NDUFB8: variants seen among roughly 807,000 people sequenced by gnomAD.
NDUFB8 encodes NADH:ubiquinone oxidoreductase subunit B8.
NDUFB8 carries 17 observed loss-of-function variants against 26.0 expected under a neutral mutation model. That is an observed-to-expected ratio of 0.65 (90% CI 0.45 to 0.98). NDUFB8 has a LOEUF of 0.98. Among genes scored for constraint, NDUFB8 ranks in the 50% least tolerant of loss-of-function variants. The probability of loss-of-function intolerance (pLI) is 0.00; values close to 1 mark genes in which losing one functional copy is unlikely to be tolerated. For missense variants in NDUFB8, 238 were observed against 255.0 expected, an observed-to-expected ratio of 0.93 and a Z score of 0.45; for synonymous variants, 89 against 93.1, an observed-to-expected ratio of 0.96 and a Z score of 0.25.
At chr10:100,526,940 G>A in intron 3 of NDUFB8, 35 bp downstream of exon 3, 1 of 1,589,300 alleles carries the variant, frequency 6.3e-7, no homozygotes, top group Non-Finnish European at 8.6e-7. Context: ...AAGACAAAGA[G>A]AGAAGGAAGG....
intron 3 of NDUFB8, 165 bp from the exon 4 acceptor site, chr10:100,526,719 GCTGGCCTCTGT>G (rs1589746534): frequency 1.2e-6 from 1 of 863,998 alleles, no homozygotes; most frequent in East Asian, 2.6e-5. Flanking sequence ...AGGATTAGAT[GCTGGCCTCTGT>G]CTAGGTTCTG....
At chr10:100,525,145 TG>T (rs1852021842) in intron 4 of NDUFB8, among the ~76,000 whole-genome samples, 1 of 152,212 alleles carries the variant, frequency 6.6e-6, no homozygotes, top group Non-Finnish European at 1.5e-5. Context: ...AAGTGGGGCC[TG>T]GGAATCTGGG....
At chr10:100,525,717 C>CGTGT (rs71013460) in intron 4 of NDUFB8, among the ~76,000 whole-genome samples, 693 of 46,032 alleles carry the variant, frequency 0.015, 130 homozygotes, top group African/African-American at 0.054. Flanking sequence ...TAAGCACATA[C>CGTGT]GTGTGTGTGT....
In NDUFB8 at chr10:100,524,255, A is replaced by G. The variant is rs2133708555; in HGVS notation, c.469-326T>C. 1.1e-6 allele frequency: 1 copy of G among 921,246 alleles called. No individual in the cohort carries two copies. The highest frequency in any genetic ancestry group is 1.5e-5 in the South Asian group (1 of 67,840). The allele number at this position is 921,246 out of a possible 1,614,324, so 57.1% of individuals were successfully genotyped here. A position where few individuals can be genotyped will look rare whatever the true frequency, so the allele number is the denominator to read the frequency against. On this transcript the variant is annotated intron_variant, in intron 4 of 4. Transcript: ENST00000299166. The surrounding 1 kb of genome is among the most constrained non-coding windows in gnomAD (Gnocchi z 4.0). Reference sequence around the variant, plus strand: ...AGAGTGTGTTAGAGTCAGAGGCAACACTTTCTAAATGAGACGATGCATCCA... The same window carrying G: ...AGAGTGTGTTAGAGTCAGAGGCAACGCTTTCTAAATGAGACGATGCATCCA...
chr10:100,528,245 C>T (rs1416169494), intron 2 of NDUFB8, among the ~76,000 whole-genome samples: 1 of 152,184 alleles, frequency 6.6e-6, no homozygotes. Flanking sequence ...GGCCTCAGAG[C>T]AACAGGCCAT....
chr10:100,525,614 GC>G (rs1852030816), intron 4 of NDUFB8, among the ~76,000 whole-genome samples: 1 of 108,180 alleles, frequency 9.2e-6, no homozygotes, highest in Non-Finnish European at 1.8e-5. Context: ...ACCACCCAAA[GC>G]GTGTGTGTGT....
chr10:100,527,462 G>T (rs1183362898), intron 2 of NDUFB8, among the ~76,000 whole-genome samples: 3 of 152,174 alleles, frequency 2.0e-5, no homozygotes, highest in South Asian at 2.1e-4. Context: ...AATTAGCTGG[G>T]TGTGGTGGCA....
chr10:100,524,479 T>C lies in NDUFB8; in HGVS notation c.469-550A>G. 6.6e-6 allele frequency among the ~76,000 whole-genome samples: 1 copy of C among 151,670 alleles called. No homozygotes were observed. Among genetic ancestry groups the C allele is most frequent in the African/African-American group, 2.4e-5 (1 of 41,266 alleles). On this transcript the variant is annotated intron_variant, in intron 4 of 4. Coordinates refer to ENST00000299166, the MANE Select transcript of NDUFB8 (RefSeq NM_005004.4). This position sits in a 1 kb window ranked among gnomAD's most constrained non-coding sequence, Gnocchi z 4.0. ...ACAAACAGCTGTCAGAGAACACAGC[T>C]CAAGGGGAGGAGAAAAGGGTGATGT...
chr10:100,526,960 A>T lies in NDUFB8; in HGVS notation c.312+15T>A, dbSNP rs1260804015. ...AAAGAGAGAAGGAAGGTCAAATGAG[A>T]TATGGTTCTCTTACCGGTTCACCCC... On this transcript the variant is annotated intron_variant, in intron 3 of 4. Coordinates refer to ENST00000299166, the MANE Select transcript of NDUFB8 (RefSeq NM_005004.4). 6.2e-7 allele frequency: 1 copy of T among 1,609,452 alleles called. No individual in the cohort carries two copies. The highest frequency in any genetic ancestry group is 8.5e-7 in the Non-Finnish European group (1 of 1,175,910).
In NDUFB8 at chr10:100,524,100, C is replaced by T; in HGVS notation, c.469-171G>A. 1 of 1,574,578 alleles carries T rather than the reference C, an allele frequency of 6.4e-7. No individual in the cohort carries two copies. ...CTCCTCTTCCTCACTCAGCCCAAGG[C>T]AGAGAGAAAGCCTAAATTGTAAGAG... On this transcript the variant is annotated intron_variant, in intron 4 of 4. Transcript: ENST00000299166. The surrounding 1 kb of genome is among the most constrained non-coding windows in gnomAD (Gnocchi z 4.0).
intron 2 of NDUFB8, 32 bp from the exon 3 acceptor site, chr10:100,527,106 T>C (rs372392101): frequency 3.8e-5 from 60 of 1,570,410 alleles, no homozygotes; most frequent in Non-Finnish European, 4.6e-5. Flanking sequence ...TGGAAAGGGC[T>C]GTGAGCAGCC....
In NDUFB8 at chr10:100,523,864, T is replaced by C; in HGVS notation, c.534A>G (p.Pro178=). 3.1e-6 allele frequency: 5 copies of C among 1,614,234 alleles called. No homozygotes were observed. Among genetic ancestry groups the C allele is most frequent in the Non-Finnish European group, 4.2e-6 (5 of 1,180,040 alleles). The change falls in exon 5 of 5, where the codon CCA becomes CCG. Residue 178 remains proline (P), a synonymous_variant. Transcript: ENST00000299166. ...LERGGDPSKE[P]ERVVHYEI ...AGATCTCATAGTGAACCACCCGCTC[T>C]GGTTCTTTGGAGGGATCACCGCCTC...
chr10:100,529,397 G>T lies in NDUFB8; in HGVS notation c.195C>A (p.Tyr65Ter). 1 of 1,611,024 alleles carries T rather than the reference G, an allele frequency of 6.2e-7. No homozygotes were observed. The highest frequency in any genetic ancestry group is 8.5e-7 in the Non-Finnish European group (1 of 1,179,012). The change falls in exon 2 of 5, where the codon TAC becomes TAA. Residue 65 changes from tyrosine to a stop codon, truncating the protein, a stop_gained. Coordinates refer to ENST00000299166, the MANE Select transcript of NDUFB8 (RefSeq NM_005004.4). LOFTEE classifies it high-confidence loss of function. ...TGTCTCACCCCATGCCATCATCCGG[G>T]TAAGGTTCGTAGTCTTCCACACGCA... The part of the protein sequence containing the change: ...YNMRVEDYEP[Y>*]PDDGMGYGDY...
At chr10:100,528,431 A>C (rs1032461895) in intron 2 of NDUFB8, among the ~76,000 whole-genome samples, 1 of 152,230 alleles carries the variant, frequency 6.6e-6, no homozygotes, top group African/African-American at 2.4e-5. Flanking sequence ...GAAAAATTAA[A>C]GTTTAGAGTC....
Position 100,523,927 on chromosome 10 carries a change from T to C in NDUFB8, c.471A>G (p.Gly157=), listed in dbSNP as rs1227721930. ...GATTATTGTAAGGATACTGCTTTGG[T>C]CCCTACAGAAAAAAACACAGGTCAG... ...GDVYPVYQPV[G]PKQYPYNNLY... Residue 157 remains glycine (G), a splice_region_variant and synonymous_variant, in exon 5 of 5, where the codon GGA becomes GGG. Coordinates refer to ENST00000299166, the MANE Select transcript of NDUFB8 (RefSeq NM_005004.4). 2 of 1,614,066 alleles carry C rather than the reference T, an allele frequency of 1.2e-6. No individual in the cohort carries two copies. Among genetic ancestry groups the C allele is most frequent in the East Asian group, 4.5e-5 (2 of 44,882 alleles).
intron 2 of NDUFB8, 113 bp from the exon 3 acceptor site, chr10:100,527,187 G>A: frequency 1.2e-6 from 1 of 837,296 alleles, no homozygotes. Context: ...CTCACCTAAG[G>A]ACAAAGGAAC....
intron 2 of NDUFB8, among the ~76,000 whole-genome samples, chr10:100,528,639 C>T (rs930071698): frequency 6.6e-6 from 1 of 152,234 alleles, no homozygotes; most frequent in Non-Finnish European, 1.5e-5. Context: ...TCGAACAAGG[C>T]TGCTCTTGTC....
rs1852054849 is a variant in NDUFB8, at chr10:100,526,526, C to T, written c.341G>A (p.Arg114Lys). 1.9e-6 allele frequency: 3 copies of T among 1,612,948 alleles called. No homozygotes were observed. Among genetic ancestry groups the T allele is most frequent in the Non-Finnish European group, 2.5e-6 (3 of 1,179,748 alleles). Residue 114 changes from arginine (R) to lysine (K), a missense_variant, in exon 4 of 5, where the codon AGG (arginine) becomes AAG (lysine). Arg to Lys is a conservative substitution (Grantham distance 26). Coordinates refer to ENST00000299166, the MANE Select transcript of NDUFB8 (RefSeq NM_005004.4). ...PMHWHLDMYN[R>K]NRVDTSPTPV... ...TGTGGGGGATGTATCCACACGGTTC[C>T]TGTTGTACATGTCTAGGTGCCAGTG...
rs140630327 is a variant in NDUFB8 at position 100,529,347 on chromosome 10, T to C, written c.212+33A>G. 1.5e-3 allele frequency: 2,294 copies of C among 1,550,514 alleles called. 39 individuals are homozygous for C. The African/African-American group carries it at 0.026, about 18-fold the overall frequency. On this transcript the variant is annotated intron_variant, in intron 2 of 4. Coordinates refer to ENST00000299166, the MANE Select transcript of NDUFB8 (RefSeq NM_005004.4). ...AACCCAGCCGGCCTTCTCCCATCAC[T>C]ACTTGGGTGCGAGCATACCCTCTCT...
Sources: allele counts gnomAD v4.1 joint callset (sites outside exome capture counted in the v4.1 genomes callset), GRCh38; gene constraint gnomAD v4.1.1; non-coding constraint Gnocchi (gnomAD v3.1); transcripts MANE v1.5; gene names NCBI Gene and HGNC (gene_info 2026-07-23, HGNC 2026-07-21).